KCNJ15: variants seen among roughly 807,000 people sequenced by gnomAD.
KCNJ15 encodes ATP-sensitive inward rectifier potassium channel 15.
KCNJ15 carries 14 observed loss-of-function variants against 23.0 expected under a neutral mutation model. The observed-to-expected ratio is 0.61, with a 90% CI of 0.40 to 0.95. KCNJ15 has a LOEUF of 0.95. KCNJ15 is among the 40% of genes least tolerant of loss of function. The pLI is 0.00. For missense variants in KCNJ15, 388 were observed against 461.8 expected (o/e 0.84, Z 1.46); for synonymous variants, 185 against 183.2 (o/e 1.01, Z -0.08).
At chr21:38,292,150 C>G (rs1223435352) in intron 1 of KCNJ15, among the ~76,000 whole-genome samples, 3 of 152,118 alleles carry the variant, frequency 2.0e-5, no homozygotes, top group African/African-American at 7.2e-5. Flanking sequence ...GTTTGCTCAC[C>G]AGGTGCTCCA....
chr21:38,265,453 C>T (rs1398804264), intron 1 of KCNJ15, among the ~76,000 whole-genome samples: 1 of 152,222 alleles, frequency 6.6e-6, no homozygotes, highest in East Asian at 1.9e-4. Flanking sequence ...TTCTGCACAG[C>T]ACTTTGCTTA....
chr21:38,280,284 TA>T (rs1983178545), intron 1 of KCNJ15, among the ~76,000 whole-genome samples: 1 of 152,162 alleles, frequency 6.6e-6, no homozygotes, highest in Admixed American at 6.5e-5. Context: ...TCTCAGAAAT[TA>T]AGGCATATAT....
intron 1 of KCNJ15, among the ~76,000 whole-genome samples, chr21:38,247,085 G>C (rs867765766): frequency 4.3e-5 from 3 of 69,152 alleles, no homozygotes; most frequent in Non-Finnish European, 7.7e-5. Context: ...TGGATGGATG[G>C]ATGGATGGAT....
Position 38,303,981 on chromosome 21 carries a change from A to G in KCNJ15, c.*3592A>G, listed in dbSNP as rs1395604617. The G allele has an allele frequency of 1.3e-5, 2 of 152,112 alleles. No homozygotes were observed. Among genetic ancestry groups the G allele is most frequent in the Non-Finnish European group, 2.9e-5 (2 of 68,004 alleles). 9.4% of individuals were successfully genotyped at this position (152,112 alleles called of 1,614,324 possible). ...TGTCAGACATTTGACCACATGGCAC[A>G]GTGAATACTCTCACGCTCTCAATTT... On this transcript the variant is annotated 3_prime_UTR_variant, in exon 3 of 3. Coordinates refer to ENST00000398938, the MANE Select transcript of KCNJ15 (RefSeq NM_170736.3).
intron 1 of KCNJ15, among the ~76,000 whole-genome samples, chr21:38,268,712 G>T (rs1981761392): frequency 6.6e-6 from 1 of 152,156 alleles, no homozygotes; most frequent in Non-Finnish European, 1.5e-5. Context: ...GACCTTCCTG[G>T]ATGTGAATTC....
At chr21:38,288,029 T>TTTTTTTTTTTTTC (rs1984131880) in intron 1 of KCNJ15, among the ~76,000 whole-genome samples, 1 of 80,210 alleles carries the variant, frequency 1.2e-5, no homozygotes, top group Non-Finnish European at 2.7e-5. Context: ...TTTTTTTCTT[T>TTTTTTTTTTTTTC]GTTTTTTTTT....
intron 1 of KCNJ15, among the ~76,000 whole-genome samples, chr21:38,230,543 C>T (rs542932501): frequency 7.2e-5 from 11 of 152,008 alleles, no homozygotes; most frequent in Non-Finnish European, 1.5e-4. Context: ...ATACTATTGT[C>T]CAAATTATCT....
Position 38,305,080 on chromosome 21 carries a change from C to CAAAAAAAAAAAAAAAAAAAA in KCNJ15, c.*4708_*4709insAAAAAAAAAAAAAAAAAAAA, listed in dbSNP as rs60094452. 1 of 97,798 alleles carries CAAAAAAAAAAAAAAAAAAAA rather than the reference C, an allele frequency of 1.0e-5. No individual in the cohort carries two copies. The highest frequency in any genetic ancestry group is 3.7e-5 in the African/African-American group (1 of 27,286). The allele number at this position is 97,798 out of a possible 1,614,324, so 6.1% of individuals were successfully genotyped here. On this transcript the variant is annotated 3_prime_UTR_variant, in exon 3 of 3. Transcript: ENST00000398938. Reference sequence around the variant, plus strand: ...GGGCAACAAAAGTAAAACTCCGTCTCAAAAAAAAAAAAAAAAAGAAAAAGA... The same window carrying CAAAAAAAAAAAAAAAAAAAA: ...GGGCAACAAAAGTAAAACTCCGTCTCAAAAAAAAAAAAAAAAAAAAAAAAAAAAAAAAAAAAAGAAAAAGA...
intron 1 of KCNJ15, among the ~76,000 whole-genome samples, chr21:38,260,394 G>C (rs1026278254): frequency 4.0e-5 from 6 of 151,432 alleles, no homozygotes; most frequent in African/African-American, 9.8e-5. Flanking sequence ...TTTTCACAAG[G>C]GAAAGGTCAG....
At chr21:38,274,303 C>G (rs1473912844) in intron 1 of KCNJ15, among the ~76,000 whole-genome samples, 2 of 152,226 alleles carry the variant, frequency 1.3e-5, no homozygotes, top group African/African-American at 4.8e-5. Context: ...GTTTGTTCCA[C>G]ATCCTTCAGC....
At chr21:38,246,078 G>A (rs1017624116) in intron 1 of KCNJ15, among the ~76,000 whole-genome samples, 1 of 152,226 alleles carries the variant, frequency 6.6e-6, no homozygotes, top group Admixed American at 6.5e-5. Flanking sequence ...TGATATGATA[G>A]TCAATATGCT....
intron 1 of KCNJ15, among the ~76,000 whole-genome samples, chr21:38,286,182 G>A (rs1331053095): frequency 3.3e-5 from 5 of 152,204 alleles, no homozygotes; most frequent in South Asian, 2.1e-4. Flanking sequence ...GGCGGAGCTT[G>A]TAGTGAGCTG....
At chr21:38,283,665 C>T (rs905938995) in intron 1 of KCNJ15, among the ~76,000 whole-genome samples, 5 of 152,182 alleles carry the variant, frequency 3.3e-5, no homozygotes, top group African/African-American at 1.2e-4. Flanking sequence ...CTTACTGACT[C>T]AAGCAGTCTA....
chr21:38,301,561 A>T lies in KCNJ15; in HGVS notation c.*1172A>T, dbSNP rs1985780549. On this transcript the variant is annotated 3_prime_UTR_variant, in exon 3 of 3. Transcript: ENST00000398938. ...AAATTCAGCTGCCTGACAATACAGGAAATGTTCTCAGATGCTGATGTTTGT... is the reference window on the plus strand; with the variant it reads ...AAATTCAGCTGCCTGACAATACAGGTAATGTTCTCAGATGCTGATGTTTGT... 6.0e-6 allele frequency: 1 copy of T among 167,052 alleles called. No homozygotes were observed. Among genetic ancestry groups the T allele is most frequent in the South Asian group, 2.1e-4 (1 of 4,828 alleles). 10.3% of individuals were successfully genotyped at this position (167,052 alleles called of 1,614,324 possible).
At chr21:38,266,228 G>C (rs1448171467) in intron 1 of KCNJ15, among the ~76,000 whole-genome samples, 2 of 152,120 alleles carry the variant, frequency 1.3e-5, no homozygotes, top group African/African-American at 2.4e-5. Context: ...ATGGTGATTT[G>C]CTGCACCCAT....
chr21:38,286,865 A>T (rs946593015), intron 1 of KCNJ15, among the ~76,000 whole-genome samples: 6 of 152,232 alleles, frequency 3.9e-5, no homozygotes, highest in African/African-American at 1.4e-4. Flanking sequence ...AGCAAACCAC[A>T]GATGTACTAG....
At chr21:38,288,330 C>T (rs927189930) in intron 1 of KCNJ15, among the ~76,000 whole-genome samples, 2 of 151,896 alleles carry the variant, frequency 1.3e-5, no homozygotes, top group Admixed American at 6.6e-5. Flanking sequence ...CATGAGCCAC[C>T]GCGCCCAGCC....
In KCNJ15 at chr21:38,263,384, G is replaced by A. The variant is rs533409809; in HGVS notation, c.-117+6199G>A. Among the ~76,000 whole-genome samples, 23 of 152,200 alleles carry A rather than the reference G, an allele frequency of 1.5e-4. No individual in the cohort carries two copies. The South Asian group carries it at 4.4e-3, about 29-fold the overall frequency. On this transcript the variant is annotated intron_variant, in intron 1 of 2. Coordinates refer to ENST00000398938, the MANE Select transcript of KCNJ15 (RefSeq NM_170736.3). ...CTGCTGGTGAGCGGAGTCCTGTGAG[G>A]GTCCTGGTAACCCTATCCCTGCAAG...
intron 1 of KCNJ15, among the ~76,000 whole-genome samples, chr21:38,261,596 G>C (rs959416360): frequency 2.0e-5 from 3 of 152,146 alleles, no homozygotes; most frequent in Admixed American, 6.5e-5. Context: ...AATGTTTCTT[G>C]TTTCATTGGC....
Sources: allele counts gnomAD v4.1 joint callset (sites outside exome capture counted in the v4.1 genomes callset), GRCh38; gene constraint gnomAD v4.1.1; transcripts MANE v1.5; gene names NCBI Gene and HGNC (gene_info 2026-07-23, HGNC 2026-07-21).